Variants in GPC5 observed in about 807,000 individuals in gnomAD.
GPC5 encodes glypican-5.
A neutral mutation model predicts 53.9 loss-of-function variants in GPC5; 47 were observed. That is an observed-to-expected ratio of 0.87 (90% CI 0.69 to 1.11). The LOEUF (loss-of-function observed/expected upper bound fraction) is 1.11, where lower values mean the gene tolerates loss of function less well. Among genes scored for constraint, GPC5 ranks in the 50% most tolerant of loss-of-function variants. The pLI is 0.00. For missense variants in GPC5, 748 were observed against 713.1 expected (o/e 1.05, Z -0.56); for synonymous variants, 286 against 263.3 (o/e 1.09, Z -0.84).
chr13:92,319,708 C>CATACA (rs944448866), intron 7 of GPC5, among the ~76,000 whole-genome samples: 1 of 152,110 alleles, frequency 6.6e-6, no homozygotes, highest in African/African-American at 2.4e-5. Context: ...ACTGATGAAG[C>CATACA]ATACACATTT....
chr13:92,805,542 T>C (rs574102088), intron 7 of GPC5, among the ~76,000 whole-genome samples: 1 of 152,142 alleles, frequency 6.6e-6, no homozygotes. Flanking sequence ...ACTCAAGCAA[T>C]CCTTCTACTT....
intron 7 of GPC5, among the ~76,000 whole-genome samples, chr13:92,784,592 A>T (rs558698272): frequency 6.6e-6 from 1 of 152,282 alleles, no homozygotes; most frequent in South Asian, 2.1e-4. Context: ...ATGAAAATAA[A>T]TGTTGTACTC....
chr13:92,181,608 T>C (rs1029998318), intron 7 of GPC5, among the ~76,000 whole-genome samples: 1 of 152,136 alleles, frequency 6.6e-6, no homozygotes, highest in Non-Finnish European at 1.5e-5. Flanking sequence ...TTATTAGGAT[T>C]TAAAGTTAGA....
At chr13:92,370,807 T>C (rs1007691921) in intron 7 of GPC5, among the ~76,000 whole-genome samples, 1 of 152,188 alleles carries the variant, frequency 6.6e-6, no homozygotes, top group Admixed American at 6.5e-5. Context: ...CATATTGTTT[T>C]CTTAAACATG....
At chr13:91,951,569 T>C (rs2040026233) in intron 6 of GPC5, among the ~76,000 whole-genome samples, 1 of 152,142 alleles carries the variant, frequency 6.6e-6, no homozygotes, top group Non-Finnish European at 1.5e-5. Flanking sequence ...AATACCTAAA[T>C]AGAATTTTGG....
chr13:92,569,740 C>T (rs1366889317), intron 7 of GPC5, among the ~76,000 whole-genome samples: 5 of 152,066 alleles, frequency 3.3e-5, no homozygotes, highest in African/African-American at 1.2e-4. Flanking sequence ...ATTTCAATGC[C>T]ACTGTACATC....
At chr13:92,050,003 C>T (rs1165952058) in intron 6 of GPC5, among the ~76,000 whole-genome samples, 2 of 152,006 alleles carry the variant, frequency 1.3e-5, no homozygotes, top group Non-Finnish European at 2.9e-5. Context: ...AAGCAGAAAA[C>T]TTGTCTTCCT....
At chr13:91,926,515 T>A (rs1209764084) in intron 6 of GPC5, among the ~76,000 whole-genome samples, 1 of 152,164 alleles carries the variant, frequency 6.6e-6, no homozygotes, top group African/African-American at 2.4e-5. Flanking sequence ...CCAGACCTGT[T>A]CCATGTATTT....
intron 6 of GPC5, among the ~76,000 whole-genome samples, chr13:92,054,861 T>C (rs2041061813): frequency 6.6e-6 from 1 of 152,198 alleles, no homozygotes; most frequent in African/African-American, 2.4e-5. Flanking sequence ...AAGGAAAATA[T>C]GCTTTGACTT....
intron 1 of GPC5, among the ~76,000 whole-genome samples, chr13:91,437,104 T>C (rs765326169): frequency 2.1e-4 from 32 of 152,212 alleles, no homozygotes; most frequent in Admixed American, 1.0e-3. Context: ...ATGGGTTTCC[T>C]GAATACAGTA....
intron 7 of GPC5, among the ~76,000 whole-genome samples, chr13:92,590,706 G>A (rs1883685811): frequency 6.6e-6 from 1 of 152,202 alleles, no homozygotes; most frequent in South Asian, 2.1e-4. Flanking sequence ...GTTCAACATT[G>A]TGTGTGTTGC....
At chr13:92,483,271 C>T (rs763452477) in intron 7 of GPC5, among the ~76,000 whole-genome samples, 1 of 152,160 alleles carries the variant, frequency 6.6e-6, no homozygotes, top group African/African-American at 2.4e-5. Flanking sequence ...CATACTTACA[C>T]CAACCTAGAT....
intron 6 of GPC5, among the ~76,000 whole-genome samples, chr13:92,068,795 T>A (rs978159122): frequency 6.6e-6 from 1 of 151,790 alleles, no homozygotes. Context: ...GTTTTTAATT[T>A]ATTGTACTTT....
At chr13:92,623,328 G>T (rs1173388903) in intron 7 of GPC5, among the ~76,000 whole-genome samples, 1 of 152,174 alleles carries the variant, frequency 6.6e-6, no homozygotes, top group Non-Finnish European at 1.5e-5. Context: ...AGACTTGGGA[G>T]AGTTAAATAT....
intron 7 of GPC5, among the ~76,000 whole-genome samples, chr13:92,550,422 T>C (rs1882271882): frequency 6.6e-6 from 1 of 151,872 alleles, no homozygotes; most frequent in African/African-American, 2.4e-5. Context: ...TCTATTAAAT[T>C]TATGGCCTGT....
intron 7 of GPC5, among the ~76,000 whole-genome samples, chr13:92,376,866 A>G (rs1360163150): frequency 1.3e-5 from 2 of 152,080 alleles, no homozygotes; most frequent in African/African-American, 4.8e-5. Flanking sequence ...AATACAAAAA[A>G]TTAGCCAGGC....
chr13:92,167,508 C>G (rs1404846631), intron 7 of GPC5, among the ~76,000 whole-genome samples: 1 of 151,940 alleles, frequency 6.6e-6, no homozygotes, highest in Non-Finnish European at 1.5e-5. Flanking sequence ...ACAGAAGTAA[C>G]AATGTATGAA....
intron 4 of GPC5, among the ~76,000 whole-genome samples, chr13:91,735,299 T>G (rs530675181): frequency 2.6e-5 from 4 of 151,302 alleles, no homozygotes; most frequent in African/African-American, 9.8e-5. Flanking sequence ...TTCCATATTC[T>G]GATCCAATTT....
intron 7 of GPC5, among the ~76,000 whole-genome samples, chr13:92,209,936 C>A (rs2042363196): frequency 6.6e-6 from 1 of 152,066 alleles, no homozygotes; most frequent in Admixed American, 6.6e-5. Context: ...GTCCAGTGTT[C>A]CAGGACAGGA....
Sources: gnomAD v4.1 joint callset for allele counts (sites outside exome capture counted in the v4.1 genomes callset) on GRCh38, gnomAD v4.1.1 for gene constraint, MANE v1.5 for transcripts, NCBI Gene and HGNC (gene_info 2026-07-23, HGNC 2026-07-21) for gene names.